Variants in SIPA1L1 observed in about 807,000 individuals in gnomAD.
SIPA1L1 encodes signal induced proliferation associated 1 like 1, also known as signal-induced proliferation-associated 1-like protein 1.
SIPA1L1 carries 26 observed loss-of-function variants against 162.7 expected under a neutral mutation model. That is an observed-to-expected ratio of 0.16 (90% CI 0.12 to 0.22). The LOEUF is 0.22. Ranked by LOEUF, SIPA1L1 falls within the 10% of genes least tolerant of loss-of-function variation. The pLI, the probability that SIPA1L1 is intolerant of heterozygous loss-of-function variation, is 1.00. For missense variants in SIPA1L1, 1,874 were observed against 2,241.0 expected (o/e 0.84, Z 3.31); for synonymous variants, 829 against 837.4 (o/e 0.99, Z 0.17).
intron 2 of SIPA1L1, among the ~76,000 whole-genome samples, chr14:71,451,276 A>T (rs1407293966): frequency 6.6e-6 from 1 of 152,114 alleles, no homozygotes; most frequent in African/African-American, 2.4e-5. Context: ...GATATTTGAT[A>T]AAAAGGGTAC....
intron 7 of SIPA1L1, among the ~76,000 whole-genome samples, chr14:71,634,402 CAA>C (rs78425751): frequency 7.4e-5 from 6 of 81,296 alleles, no homozygotes; most frequent in East Asian, 4.2e-4. Context: ...AACTCCATTT[CAA>C]AAAAAAAAAA....
chr14:71,391,103 CTT>C (rs36003254), intron 2 of SIPA1L1, among the ~76,000 whole-genome samples: 2 of 108,456 alleles, frequency 1.8e-5, no homozygotes, highest in African/African-American at 3.4e-5. Flanking sequence ...TATTCAGTAT[CTT>C]TTTTTTTTTT....
intron 17 of SIPA1L1, among the ~76,000 whole-genome samples, chr14:71,718,125 A>G (rs377611840): frequency 2.6e-5 from 4 of 152,232 alleles, no homozygotes; most frequent in African/African-American, 9.6e-5. Flanking sequence ...CTAATCTTCC[A>G]GGCATCATTC....
intron 2 of SIPA1L1, among the ~76,000 whole-genome samples, chr14:71,496,953 T>G (rs2049838447): frequency 6.6e-6 from 1 of 152,050 alleles, no homozygotes; most frequent in Non-Finnish European, 1.5e-5. Context: ...AGGAGGATCA[T>G]GAGGTCAGGG....
At chr14:71,475,772 G>C (rs1359574669) in intron 2 of SIPA1L1, among the ~76,000 whole-genome samples, 1 of 152,370 alleles carries the variant, frequency 6.6e-6, no homozygotes, top group Non-Finnish European at 1.5e-5. Flanking sequence ...GTCAGTGAAA[G>C]TGGAATGAGG....
chr14:71,513,862 T>G (rs1230783473), intron 3 of SIPA1L1, among the ~76,000 whole-genome samples: 1 of 152,132 alleles, frequency 6.6e-6, no homozygotes, highest in Non-Finnish European at 1.5e-5. Flanking sequence ...GTTAGAAATC[T>G]GTAGGTCAGG....
chr14:71,622,969 C>T (rs769580829), intron 6 of SIPA1L1, among the ~76,000 whole-genome samples: 4 of 152,160 alleles, frequency 2.6e-5, no homozygotes, highest in Non-Finnish European at 4.4e-5. Context: ...TTTTCCCAAT[C>T]TCCATACCTT....
chr14:71,573,694 C>T, intron 4 of SIPA1L1: 1 of 456,736 alleles, frequency 2.2e-6, no homozygotes, highest in Non-Finnish European at 4.4e-6. Flanking sequence ...TGAATATTTT[C>T]TGGCTTACCT....
chr14:71,438,464 C>T (rs2044581000), intron 2 of SIPA1L1, among the ~76,000 whole-genome samples: 1 of 152,186 alleles, frequency 6.6e-6, no homozygotes, highest in African/African-American at 2.4e-5. Flanking sequence ...TCAGCAGCAC[C>T]TTTTGTTCTT....
chr14:71,649,007 A>ACACTG (rs2042400036), intron 7 of SIPA1L1, among the ~76,000 whole-genome samples: 1 of 152,186 alleles, frequency 6.6e-6, no homozygotes, highest in Non-Finnish European at 1.5e-5. Flanking sequence ...TGTATGTTAA[A>ACACTG]CACTGCACGT....
intron 17 of SIPA1L1, among the ~76,000 whole-genome samples, chr14:71,711,744 G>T (rs1056183190): frequency 6.6e-6 from 1 of 152,198 alleles, no homozygotes; most frequent in Non-Finnish European, 1.5e-5. Context: ...CTGCCTGAAG[G>T]CCTCAAAGGA....
At position 71,658,443 on chromosome 14, in the gene SIPA1L1, G is replaced by C. The variant is rs747620374; in HGVS notation, c.2097+7G>C. On this transcript the variant is annotated splice_region_variant and intron_variant, in intron 9 of 23. Transcript: ENST00000381232. ...ACCCAACAACAAACAACAGGTAAGAGATCCTCCTGTTATCTGTGTTTTCAC... is the reference window on the plus strand; with the variant it reads ...ACCCAACAACAAACAACAGGTAAGACATCCTCCTGTTATCTGTGTTTTCAC... 4.0e-6 allele frequency: 6 copies of C among 1,489,102 alleles called. No individual in the cohort carries two copies. The African/African-American group carries it at 4.1e-5, about 10-fold the overall frequency. 92.2% of individuals were successfully genotyped at this position (1,489,102 alleles called of 1,614,324 possible).
chr14:71,713,285 AC>A (rs1386619204), intron 17 of SIPA1L1, among the ~76,000 whole-genome samples: 1 of 152,206 alleles, frequency 6.6e-6, no homozygotes, highest in Non-Finnish European at 1.5e-5. Flanking sequence ...CTCTTAGAAA[AC>A]CACTAACTAT....
At chr14:71,348,011 T>C (rs1288333179) in intron 2 of SIPA1L1, among the ~76,000 whole-genome samples, 3 of 152,178 alleles carry the variant, frequency 2.0e-5, no homozygotes. Context: ...AACAAAAGAA[T>C]AGGCCGAACT....
chr14:71,501,024 A>C (rs1047325103), intron 2 of SIPA1L1, among the ~76,000 whole-genome samples: 2 of 150,698 alleles, frequency 1.3e-5, no homozygotes, highest in African/African-American at 4.9e-5. Flanking sequence ...AAAACAAAAC[A>C]AAAACATTAA....
intron 20 of SIPA1L1, among the ~76,000 whole-genome samples, chr14:71,730,630 G>A (rs2084678577): frequency 6.6e-6 from 1 of 152,206 alleles, no homozygotes; most frequent in Admixed American, 6.5e-5. Flanking sequence ...CACTAGATTA[G>A]TTAGTTCTTA....
intron 2 of SIPA1L1, among the ~76,000 whole-genome samples, chr14:71,388,656 C>T (rs2040525243): frequency 1.3e-5 from 2 of 152,172 alleles, no homozygotes; most frequent in Non-Finnish European, 2.9e-5. Context: ...AAAGATATTT[C>T]CTGCAGAAAA....
At chr14:71,340,697 T>G (rs555079447) in intron 2 of SIPA1L1, among the ~76,000 whole-genome samples, 1 of 152,246 alleles carries the variant, frequency 6.6e-6, no homozygotes, top group East Asian at 1.9e-4. Context: ...TATTGTAGGC[T>G]TTACTGAGAA....
chr14:71,410,096 T>C (rs2042300526), intron 2 of SIPA1L1, among the ~76,000 whole-genome samples: 1 of 152,244 alleles, frequency 6.6e-6, no homozygotes, highest in Non-Finnish European at 1.5e-5. Flanking sequence ...GCCAAACTGC[T>C]TCTTTGAATG....
Sources: gnomAD v4.1 joint callset for allele counts (sites outside exome capture counted in the v4.1 genomes callset) on GRCh38, gnomAD v4.1.1 for gene constraint, MANE v1.5 for transcripts, NCBI Gene and HGNC (gene_info 2026-07-23, HGNC 2026-07-21) for gene names.